ADRA1B: variants seen among roughly 807,000 people sequenced by gnomAD.
ADRA1B encodes the protein adrenoceptor alpha 1B.
In ADRA1B, 17 loss-of-function variants were observed where a neutral mutation model predicts 17.9. The observed-to-expected ratio is 0.95, with a 90% CI of 0.65 to 1.42. The LOEUF (loss-of-function observed/expected upper bound fraction) is 1.42, where lower values mean the gene tolerates loss of function less well. Ranked by LOEUF, ADRA1B falls within the 40% of genes most tolerant of loss-of-function variation. ADRA1B has a pLI of 0.00. For synonymous variants in ADRA1B, 366 were observed against 327.6 expected, an observed-to-expected ratio of 1.12 and a Z score of -1.27; for missense variants, 681 against 722.1, an observed-to-expected ratio of 0.94 and a Z score of 0.65.
At chr5:159,890,101 T>C (rs1266593701) in intron 1 of ADRA1B, among the ~76,000 whole-genome samples, 1 of 152,154 alleles carries the variant, frequency 6.6e-6, no homozygotes, top group Non-Finnish European at 1.5e-5. Flanking sequence ...GTGCTTGCCT[T>C]GAGGGTCCGG....
At chr5:159,882,173 G>A (rs1753870081) in intron 1 of ADRA1B, among the ~76,000 whole-genome samples, 1 of 152,154 alleles carries the variant, frequency 6.6e-6, no homozygotes, top group African/African-American at 2.4e-5. Flanking sequence ...TGACTGTTTT[G>A]TAAAATAAAT....
chr5:159,988,616 T>C, the ADRA1B span, among the ~76,000 whole-genome samples: 1 of 152,092 alleles, frequency 6.6e-6, no homozygotes, highest in African/African-American at 2.4e-5. Flanking sequence ...ACCCATGCCA[T>C]AGAGGTACGT....
chr5:159,973,715 C>T (rs184161065), downstream of ADRA1B, among the ~76,000 whole-genome samples: 4 of 152,260 alleles, frequency 2.6e-5, no homozygotes, highest in African/African-American at 7.2e-5. Flanking sequence ...TCTTTGGAGT[C>T]GATAACTTGG....
At chr5:159,985,919 A>G in the ADRA1B span, among the ~76,000 whole-genome samples, 4 of 152,236 alleles carry the variant, frequency 2.6e-5, no homozygotes, top group Admixed American at 2.6e-4. Flanking sequence ...GGGACATAGC[A>G]TAGCCCTGAA....
chr5:159,982,182 C>T, the ADRA1B span, among the ~76,000 whole-genome samples: 1 of 152,352 alleles, frequency 6.6e-6, no homozygotes, highest in South Asian at 2.1e-4. Context: ...AATCAACTAG[C>T]TGAGCCCAGC....
At chr5:159,920,537 G>A (rs111788775) in intron 1 of ADRA1B, among the ~76,000 whole-genome samples, 75 of 152,048 alleles carry the variant, frequency 4.9e-4, no homozygotes, top group African/African-American at 1.8e-3. Flanking sequence ...ATCATGCGAC[G>A]ATCTCCCAGA....
intron 1 of ADRA1B, among the ~76,000 whole-genome samples, chr5:159,889,116 C>G (rs1476141849): frequency 6.6e-6 from 1 of 152,178 alleles, no homozygotes; most frequent in Non-Finnish European, 1.5e-5. Context: ...CAACTTCCAA[C>G]CTCCTACCAG....
the ADRA1B span, among the ~76,000 whole-genome samples, chr5:159,978,685 A>G: frequency 6.6e-6 from 1 of 152,222 alleles, no homozygotes; most frequent in Non-Finnish European, 1.5e-5. Flanking sequence ...GGGATTAGTA[A>G]GACAAACAGC....
chr5:159,918,764 G>A (rs1178633434), intron 1 of ADRA1B, among the ~76,000 whole-genome samples: 1 of 152,180 alleles, frequency 6.6e-6, no homozygotes, highest in Non-Finnish European at 1.5e-5. Context: ...TGGTTAGCAG[G>A]TAAACCTAAA....
intron 1 of ADRA1B, among the ~76,000 whole-genome samples, chr5:159,959,583 A>G (rs1464983626): frequency 1.3e-5 from 2 of 152,336 alleles, no homozygotes; most frequent in East Asian, 3.9e-4. Context: ...TACTTCCTGG[A>G]CATCCGTGGA....
At chr5:159,931,424 C>T (rs1414587851) in intron 1 of ADRA1B, among the ~76,000 whole-genome samples, 1 of 151,412 alleles carries the variant, frequency 6.6e-6, no homozygotes, top group Non-Finnish European at 1.5e-5. Flanking sequence ...GAAATGACTT[C>T]AGCCCTTTCC....
intron 1 of ADRA1B, among the ~76,000 whole-genome samples, chr5:159,925,437 T>A (rs1754618086): frequency 1.3e-5 from 2 of 152,172 alleles, no homozygotes; most frequent in Admixed American, 6.5e-5. Flanking sequence ...GAGAAACACA[T>A]AAAATTTAGA....
chr5:159,972,930 A>G lies in ADRA1B; in HGVS notation c.*438A>G, dbSNP rs1755914518. ...TGTGTGTCGTGACTTCGTACCTCTC[A>G]AGCCCCTCCTTGTACTTCACTGAAG... On this transcript the variant is annotated 3_prime_UTR_variant, in exon 2 of 2. Coordinates refer to ENST00000306675, the MANE Select transcript of ADRA1B (RefSeq NM_000679.4). 6.6e-6 allele frequency among the ~76,000 whole-genome samples: 1 copy of G among 152,126 alleles called. No homozygotes were observed. Among genetic ancestry groups the G allele is most frequent in the Non-Finnish European group, 1.5e-5 (1 of 68,018 alleles).
At position 159,941,983 on chromosome 5, in the gene ADRA1B, C is replaced by T. The variant is rs560634788; in HGVS notation, c.949+24129C>T. Among the ~76,000 whole-genome samples, 3 of 140,930 alleles carry T rather than the reference C, an allele frequency of 2.1e-5. No homozygotes were observed. In the South Asian group the frequency reaches 6.7e-4, roughly 32 times the overall value. 92.5% of individuals were successfully genotyped at this position (140,930 alleles called of 152,430 possible). A position where few individuals can be genotyped will look rare whatever the true frequency, so the allele number is the denominator to read the frequency against. ...TGTCACCCAGGCTAGAGTGCAGTGG[C>T]GCGATCTTGGCTCACTGCAAGCTCC... is the stretch of plus-strand genomic sequence containing the variant. On this transcript the variant is annotated intron_variant, in intron 1 of 1. Transcript: ENST00000306675.
the ADRA1B span, among the ~76,000 whole-genome samples, chr5:159,978,119 GTC>G: frequency 6.6e-6 from 1 of 151,986 alleles, no homozygotes; most frequent in Non-Finnish European, 1.5e-5. Flanking sequence ...TATGTGTATT[GTC>G]TGTTTCCCCA....
chr5:159,956,066 A>T (rs1755545351), intron 1 of ADRA1B, among the ~76,000 whole-genome samples: 1 of 152,022 alleles, frequency 6.6e-6, no homozygotes, highest in Non-Finnish European at 1.5e-5. Context: ...AACTTAGGGG[A>T]GATCCCATCT....
chr5:159,925,954 A>G (rs1161277960), intron 1 of ADRA1B, among the ~76,000 whole-genome samples: 1 of 149,508 alleles, frequency 6.7e-6, no homozygotes, highest in African/African-American at 2.5e-5. Flanking sequence ...CCCTAAGGCT[A>G]CTCTCCTCAG....
chr5:159,867,444 G>T (rs1753672583), intron 1 of ADRA1B, among the ~76,000 whole-genome samples: 1 of 152,098 alleles, frequency 6.6e-6, no homozygotes, highest in Admixed American at 6.6e-5. Context: ...CAGTACAACT[G>T]ATTCACCATC....
downstream of ADRA1B, among the ~76,000 whole-genome samples, chr5:159,973,144 C>G (rs532025681): frequency 4.6e-5 from 7 of 152,350 alleles, no homozygotes; most frequent in African/African-American, 1.7e-4. Context: ...GTCTCCACCC[C>G]AGAAGAGCCG....
Sources: gnomAD v4.1 joint callset for allele counts (sites outside exome capture counted in the v4.1 genomes callset) on GRCh38, gnomAD v4.1.1 for gene constraint, MANE v1.5 for transcripts, NCBI Gene and HGNC (gene_info 2026-07-23, HGNC 2026-07-21) for gene names.